USP15: variants seen among roughly 807,000 people sequenced by gnomAD.
USP15 encodes ubiquitin specific peptidase 15.
USP15 carries 18 observed loss-of-function variants against 127.1 expected under a neutral mutation model. That is an observed-to-expected ratio of 0.14 (90% CI 0.10 to 0.21). The LOEUF is 0.21. USP15 is among the 10% of genes least tolerant of loss of function. The pLI is 1.00. For synonymous variants in USP15, 364 were observed against 393.7 expected, an observed-to-expected ratio of 0.92 and a Z score of 0.89; for missense variants, 805 against 1,159.9, an observed-to-expected ratio of 0.69 and a Z score of 4.44.
intron 2 of USP15, 136 bp from the exon 3 acceptor site, chr12:62,302,653 CT>C: frequency 2.4e-6 from 2 of 841,796 alleles, no homozygotes; most frequent in South Asian, 2.7e-5. Flanking sequence ...TTGGACACCC[CT>C]GATGTAAGGG....
In USP15 at chr12:62,342,034, T is replaced by C. The variant is rs149052298; in HGVS notation, c.684-7187T>C. Among the ~76,000 whole-genome samples the C allele has an allele frequency of 4.0e-3, 614 of 152,282 alleles. 4 individuals carry two copies. The highest frequency in any genetic ancestry group is 0.014 in the African/African-American group (594 of 41,552). On this transcript the variant is annotated intron_variant, in intron 6 of 21. Coordinates refer to ENST00000280377, the MANE Select transcript of USP15 (RefSeq NM_001252078.2). ...AACTTGGTTCCATTCTCCCCGTCAC[T>C]TTCAGTTACACTAATCAATTGTAGG...
intron 6 of USP15, among the ~76,000 whole-genome samples, chr12:62,337,289 T>C (rs953377564): frequency 1.3e-5 from 2 of 152,160 alleles, no homozygotes; most frequent in African/African-American, 2.4e-5. Context: ...ATTTTCATGC[T>C]GCTGATAAAG....
At position 62,384,336 on chromosome 12, in the gene USP15, T is replaced by G. The variant is rs767343581; in HGVS notation, c.1473+34T>G. 7.3e-5 allele frequency: 106 copies of G among 1,454,618 alleles called. 3 individuals are homozygous for G. Among genetic ancestry groups the G allele is most frequent in the African/African-American group, 2.9e-4 (20 of 68,928 alleles). The allele number at this position is 1,454,618 out of a possible 1,614,324, so 90.1% of individuals were successfully genotyped here. A position where few individuals can be genotyped will look rare whatever the true frequency, so the allele number is the denominator to read the frequency against. On this transcript the variant is annotated intron_variant, in intron 11 of 21. Coordinates refer to ENST00000280377, the MANE Select transcript of USP15 (RefSeq NM_001252078.2). ...TGGGTTGGTTTGTTTTGTTTTTTTT[T>G]TTTTTTTTTTGCATTTGTTATTTTT... is the stretch of plus-strand genomic sequence containing the variant.
intron 3 of USP15, among the ~76,000 whole-genome samples, chr12:62,308,675 G>A (rs1412889308): frequency 1.3e-5 from 2 of 152,084 alleles, no homozygotes; most frequent in Admixed American, 6.6e-5. Context: ...CATGTACATT[G>A]TACTTAGTCA....
At chr12:62,282,972 C>G (rs1348378532) in intron 1 of USP15, among the ~76,000 whole-genome samples, 1 of 152,078 alleles carries the variant, frequency 6.6e-6, no homozygotes, top group African/African-American at 2.4e-5. Context: ...AATGTTATCT[C>G]AAGTCCATAT....
At chr12:62,315,061 GTTAAA>G in intron 4 of USP15, 145 bp downstream of exon 4, 2 of 731,682 alleles carry the variant, frequency 2.7e-6, no homozygotes, top group Non-Finnish European at 3.9e-6. Context: ...ATGTCTTAGA[GTTAAA>G]TTATTTATTG....
intron 6 of USP15, among the ~76,000 whole-genome samples, chr12:62,346,276 A>G (rs1334005515): frequency 2.0e-5 from 3 of 152,308 alleles, no homozygotes; most frequent in Non-Finnish European, 2.9e-5. Context: ...ATTTTTTTCA[A>G]TGTGGATATT....
chr12:62,288,451 T>C (rs1393449995), intron 1 of USP15, among the ~76,000 whole-genome samples: 1 of 151,960 alleles, frequency 6.6e-6, no homozygotes, highest in East Asian at 1.9e-4. Context: ...TTTTGTAAGT[T>C]GATTTTGTAT....
chr12:62,366,285 C>T (rs541011754), intron 8 of USP15, among the ~76,000 whole-genome samples: 7 of 152,194 alleles, frequency 4.6e-5, no homozygotes, highest in East Asian at 3.9e-4. Flanking sequence ...AAGTGGTATT[C>T]GTAGGTATTT....
chr12:62,308,275 T>C (rs2064546301), intron 3 of USP15, among the ~76,000 whole-genome samples: 1 of 152,074 alleles, frequency 6.6e-6, no homozygotes, highest in Non-Finnish European at 1.5e-5. Flanking sequence ...GGGAAGGAAC[T>C]GTGAATCATT....
At chr12:62,387,173 T>C (rs1273667242) in intron 11 of USP15, among the ~76,000 whole-genome samples, 1 of 152,192 alleles carries the variant, frequency 6.6e-6, no homozygotes, top group Non-Finnish European at 1.5e-5. Context: ...GCATTGAATT[T>C]GTGTATCTAG....
chr12:62,393,302 G>C (rs2067379925), intron 19 of USP15, 100 bp downstream of exon 19: 2 of 1,377,958 alleles, frequency 1.5e-6, no homozygotes, highest in Non-Finnish European at 1.9e-6. Context: ...GGTGCCATTG[G>C]ACCCAATTTC....
intron 1 of USP15, among the ~76,000 whole-genome samples, chr12:62,264,199 G>A (rs775041586): frequency 2.6e-5 from 4 of 152,120 alleles, no homozygotes; most frequent in Non-Finnish European, 5.9e-5. Flanking sequence ...ACCCGGGTTG[G>A]TCTCGAACTC....
chr12:62,336,093 A>C, intron 6 of USP15: 1 of 985,442 alleles, frequency 1.0e-6, no homozygotes, highest in Non-Finnish European at 1.2e-6. Flanking sequence ...AGCTCTACTC[A>C]GACCTTAAAT....
chr12:62,306,656 A>G (rs1157580926), intron 3 of USP15, among the ~76,000 whole-genome samples: 1 of 142,258 alleles, frequency 7.0e-6, no homozygotes, highest in African/African-American at 2.8e-5. Flanking sequence ...GAGAAGAGAA[A>G]TACACTAAAG....
Position 62,342,714 on chromosome 12 carries a change from G to T in USP15, c.684-6507G>T, listed in dbSNP as rs536213387. ...GTCTACTCCAGACCCTGTTCGCCTG[G>T]TTATCACCAGTGGAGGCTGCAGAAC... is the stretch of plus-strand genomic sequence containing the variant. On this transcript the variant is annotated intron_variant, in intron 6 of 21. Transcript: ENST00000280377. Among the ~76,000 whole-genome samples the T allele has an allele frequency of 8.5e-5, 13 of 152,254 alleles. No individual in the cohort carries two copies. The East Asian group carries it at 2.3e-3, about 27-fold the overall frequency.
chr12:62,316,011 G>A (rs988602865), intron 4 of USP15, among the ~76,000 whole-genome samples: 3 of 152,060 alleles, frequency 2.0e-5, no homozygotes, highest in Non-Finnish European at 2.9e-5. Flanking sequence ...TTGGCCGGAC[G>A]CAGTGGCTCA....
chr12:62,281,891 G>A (rs1450164302), intron 1 of USP15, among the ~76,000 whole-genome samples: 2 of 152,064 alleles, frequency 1.3e-5, no homozygotes, highest in African/African-American at 4.8e-5. Context: ...CATTATAGAA[G>A]GTTTACCAAG....
chr12:62,382,810 C>T (rs959007892), intron 9 of USP15, among the ~76,000 whole-genome samples: 3 of 151,878 alleles, frequency 2.0e-5, no homozygotes, highest in African/African-American at 7.2e-5. Flanking sequence ...GAGTAGTTAT[C>T]TTAAAAATGC....
Sources: gnomAD v4.1 joint callset for allele counts (sites outside exome capture counted in the v4.1 genomes callset) on GRCh38, gnomAD v4.1.1 for gene constraint, MANE v1.5 for transcripts, NCBI Gene and HGNC (gene_info 2026-07-23, HGNC 2026-07-21) for gene names.